ZNF804B: variants seen among roughly 807,000 people sequenced by gnomAD.
The protein encoded by ZNF804B is zinc finger protein 804B, also known as zinc finger 804B.
A neutral mutation model predicts 101.4 loss-of-function variants in ZNF804B; 80 were observed. That is an observed-to-expected ratio of 0.79 (90% confidence interval 0.66 to 0.95). ZNF804B has a LOEUF of 0.95. ZNF804B is among the 40% of genes least tolerant of loss of function. The pLI is 0.00. For missense variants in ZNF804B, 1,673 were observed against 1,561.9 expected (o/e 1.07, Z -1.20); for synonymous variants, 622 against 558.8 (o/e 1.11, Z -1.59).
Position 88,831,283 on chromosome 7 carries a change from C to T in ZNF804B, c.108+71199C>T, listed in dbSNP as rs554182351. 9.9e-5 allele frequency among the ~76,000 whole-genome samples: 15 copies of T among 151,950 alleles called. No individual in the cohort carries two copies. The South Asian group carries it at 2.3e-3, about 23-fold the overall frequency. Reference sequence around the variant, plus strand: ...CTACTTTCTATTGCTAAGGATTTGCCTATTCTTGAAATTTCTCCTTATATC... The same window carrying T: ...CTACTTTCTATTGCTAAGGATTTGCTTATTCTTGAAATTTCTCCTTATATC... On this transcript the variant is annotated intron_variant, in intron 1 of 3. Coordinates refer to ENST00000333190, the MANE Select transcript of ZNF804B (RefSeq NM_181646.5).
intron 1 of ZNF804B, among the ~76,000 whole-genome samples, chr7:88,886,195 G>A (rs993904586): frequency 6.6e-6 from 1 of 152,118 alleles, no homozygotes; most frequent in African/African-American, 2.4e-5. Context: ...TGAAATTTGG[G>A]AGGTTTTGTG....
chr7:89,038,388 T>G (rs1042126446), intron 1 of ZNF804B, among the ~76,000 whole-genome samples: 1 of 152,180 alleles, frequency 6.6e-6, no homozygotes, highest in Non-Finnish European at 1.5e-5. Flanking sequence ...TCATTGTGGT[T>G]TTAATGCATA....
intron 1 of ZNF804B, among the ~76,000 whole-genome samples, chr7:89,058,514 C>G (rs10952946): frequency 0.45 from 67,925 of 151,900 alleles, 16,043 homozygotes; most frequent in Non-Finnish European, 0.53. Flanking sequence ...ACTAAACAAA[C>G]ACTCTGTTTT....
intron 1 of ZNF804B, among the ~76,000 whole-genome samples, chr7:88,814,129 TATC>T (rs762944281): frequency 3.3e-5 from 5 of 152,310 alleles, no homozygotes; most frequent in Non-Finnish European, 5.9e-5. Context: ...ATTGGCTAAT[TATC>T]ATGTCAGTAA....
At chr7:89,293,164 T>A (rs1321045272) in intron 2 of ZNF804B, among the ~76,000 whole-genome samples, 1 of 152,250 alleles carries the variant, frequency 6.6e-6, no homozygotes, top group Admixed American at 6.5e-5. Flanking sequence ...TTTCTATTCA[T>A]TCTACAGTTA....
At chr7:88,957,164 GC>G (rs1366911026) in intron 1 of ZNF804B, among the ~76,000 whole-genome samples, 1 of 151,308 alleles carries the variant, frequency 6.6e-6, no homozygotes, top group African/African-American at 2.4e-5. Context: ...GAAACTTCTG[GC>G]CCCTTTGGCG....
At chr7:88,797,268 C>T (rs573725866) in intron 1 of ZNF804B, among the ~76,000 whole-genome samples, 55 of 152,180 alleles carry the variant, frequency 3.6e-4, no homozygotes, top group African/African-American at 1.3e-3. Context: ...ATTTACACTA[C>T]CTCTTTCATA....
intron 1 of ZNF804B, among the ~76,000 whole-genome samples, chr7:88,813,724 C>T (rs1790829086): frequency 1.3e-5 from 2 of 152,094 alleles, no homozygotes; most frequent in Admixed American, 6.5e-5. Flanking sequence ...AAGTCATACC[C>T]GTCCTTTTTG....
At chr7:88,871,484 T>G (rs115602039) in intron 1 of ZNF804B, among the ~76,000 whole-genome samples, 1,535 of 152,202 alleles carry the variant, frequency 0.01, 18 homozygotes, top group Middle Eastern at 0.024. Flanking sequence ...AATTGAAAGA[T>G]AATATAAAAT....
intron 1 of ZNF804B, among the ~76,000 whole-genome samples, chr7:89,184,801 A>G (rs944667245): frequency 2.0e-5 from 3 of 152,206 alleles, no homozygotes; most frequent in African/African-American, 4.8e-5. Flanking sequence ...TAATATCCAT[A>G]TTATAATTAA....
intron 2 of ZNF804B, among the ~76,000 whole-genome samples, chr7:89,282,363 C>T (rs999792507): frequency 7.2e-5 from 11 of 152,036 alleles, no homozygotes; most frequent in Admixed American, 6.6e-5. Flanking sequence ...AGGCTAATTA[C>T]TACCTAAGAC....
chr7:88,984,057 A>G (rs1367854739), intron 1 of ZNF804B, among the ~76,000 whole-genome samples: 2 of 152,102 alleles, frequency 1.3e-5, no homozygotes, highest in Non-Finnish European at 2.9e-5. Context: ...AATGAAAATA[A>G]CTTACCTAAC....
chr7:89,280,768 T>TTA (rs1790080183), intron 2 of ZNF804B, among the ~76,000 whole-genome samples: 1 of 152,188 alleles, frequency 6.6e-6, no homozygotes, highest in Admixed American at 6.5e-5. Context: ...AATCAATGGC[T>TTA]TACCAATCAA....
intron 1 of ZNF804B, among the ~76,000 whole-genome samples, chr7:88,952,292 C>T (rs1182302230): frequency 6.6e-6 from 1 of 151,682 alleles, no homozygotes; most frequent in African/African-American, 2.4e-5. Context: ...TTGGATCTGT[C>T]TGAAATTTTT....
chr7:88,981,080 CAT>C (rs1793687387), intron 1 of ZNF804B, among the ~76,000 whole-genome samples: 1 of 152,046 alleles, frequency 6.6e-6, no homozygotes, highest in Non-Finnish European at 1.5e-5. Flanking sequence ...AGTCTCTTCT[CAT>C]AGCCACCACA....
intron 1 of ZNF804B, among the ~76,000 whole-genome samples, chr7:88,776,895 A>G (rs1790150462): frequency 6.6e-6 from 1 of 151,576 alleles, no homozygotes; most frequent in Non-Finnish European, 1.5e-5. Flanking sequence ...TTTCAAACAG[A>G]GGTAATCCAA....
chr7:89,200,226 G>C (rs1382513494), intron 1 of ZNF804B, among the ~76,000 whole-genome samples: 1 of 151,790 alleles, frequency 6.6e-6, no homozygotes, highest in Non-Finnish European at 1.5e-5. Flanking sequence ...CTCTTAATTA[G>C]ATGTAACATG....
chr7:89,210,829 G>A (rs1010513560), intron 1 of ZNF804B, among the ~76,000 whole-genome samples: 2 of 152,190 alleles, frequency 1.3e-5, no homozygotes, highest in Middle Eastern at 3.2e-3. Flanking sequence ...TTCTGTAATA[G>A]AATGACTTAT....
intron 1 of ZNF804B, among the ~76,000 whole-genome samples, chr7:89,071,781 TACACAC>T (rs36061852): frequency 6.8e-6 from 1 of 147,728 alleles, no homozygotes; most frequent in African/African-American, 2.6e-5. Flanking sequence ...CACACAAATG[TACACAC>T]ACACACACAC....
Sources: gnomAD v4.1 joint callset for allele counts (sites outside exome capture counted in the v4.1 genomes callset) on GRCh38, gnomAD v4.1.1 for gene constraint, MANE v1.5 for transcripts, NCBI Gene and HGNC (gene_info 2026-07-23, HGNC 2026-07-21) for gene names.